Variants in LSAMP observed in about 807,000 individuals in gnomAD.
LSAMP encodes limbic system-associated membrane protein.
Under a neutral mutation model 38.6 loss-of-function variants are expected in LSAMP, and 7 were observed. The ratio of observed to expected loss-of-function variants is 0.18; its 90% confidence interval spans 0.10 to 0.34. The LOEUF (loss-of-function observed/expected upper bound fraction) is 0.34. Among genes scored for constraint, LSAMP ranks in the 10% least tolerant of loss-of-function variants. The pLI, the probability that LSAMP is intolerant of heterozygous loss-of-function variation, is 1.00. For synonymous variants in LSAMP, 154 were observed against 166.8 expected, an observed-to-expected ratio of 0.92 and a Z score of 0.59; for missense variants, 313 against 420.0, an observed-to-expected ratio of 0.75 and a Z score of 2.23.
At position 115,878,453 on chromosome 3, in the gene LSAMP, CTTTTTTTTTT is replaced by C. The variant is rs3087024; in HGVS notation, c.515-25846_515-25837del. ...CTTGATACTTTGAGAACATGCTATT[CTTTTTTTTTT>C]TTTTTTTTTTTTTTTTTTGACAGAC... is the stretch of plus-strand genomic sequence containing the variant. On this transcript the variant is annotated intron_variant, in intron 3 of 6. Coordinates refer to ENST00000490035, the MANE Select transcript of LSAMP (RefSeq NM_002338.5). 1.1e-4 allele frequency among the ~76,000 whole-genome samples: 6 copies of C among 55,538 alleles called. No individual in the cohort carries two copies. In the East Asian group the frequency reaches 1.9e-3, roughly 18 times the overall value. The allele number at this position is 55,538 out of a possible 152,430, so 36.4% of individuals were successfully genotyped here.
At chr3:116,399,378 A>G (rs574905031) in intron 1 of LSAMP, among the ~76,000 whole-genome samples, 6 of 152,306 alleles carry the variant, frequency 3.9e-5, no homozygotes, top group Admixed American at 1.3e-4. Flanking sequence ...AAGAAATAAT[A>G]TGGGCCTGTG....
At chr3:116,251,630 T>C (rs2046686414) in intron 1 of LSAMP, among the ~76,000 whole-genome samples, 1 of 152,158 alleles carries the variant, frequency 6.6e-6, no homozygotes, top group Admixed American at 6.5e-5. Context: ...AAATGTTACA[T>C]CAAGAATAGA....
chr3:116,158,340 A>G (rs1038675185), intron 1 of LSAMP, among the ~76,000 whole-genome samples: 9 of 152,114 alleles, frequency 5.9e-5, no homozygotes, highest in Non-Finnish European at 1.0e-4. Context: ...ACCTAGTACT[A>G]TAAGTCCTCT....
chr3:116,054,747 C>G lies in LSAMP; in HGVS notation c.388+31577G>C, dbSNP rs375861347. On this transcript the variant is annotated intron_variant, in intron 2 of 6. Transcript: ENST00000490035. ...TATTAAATATTTGGAAGACTAAAATCATTTTTCTATCCTTGACTGAAAAAT... is the reference window on the plus strand; with the variant it reads ...TATTAAATATTTGGAAGACTAAAATGATTTTTCTATCCTTGACTGAAAAAT... Among the ~76,000 whole-genome samples, 16 of 152,232 alleles carry G rather than the reference C, an allele frequency of 1.1e-4. No homozygotes were observed. The East Asian group carries it at 3.1e-3, about 29-fold the overall frequency.
intron 1 of LSAMP, among the ~76,000 whole-genome samples, chr3:116,338,957 C>A (rs146392327): frequency 3.9e-4 from 60 of 152,146 alleles, no homozygotes; most frequent in Middle Eastern, 3.4e-3. Flanking sequence ...GGTACACCTC[C>A]TGCTGTGATA....
At chr3:116,138,677 A>T (rs1193780763) in intron 1 of LSAMP, among the ~76,000 whole-genome samples, 3 of 152,074 alleles carry the variant, frequency 2.0e-5, no homozygotes, top group Non-Finnish European at 2.9e-5. Flanking sequence ...CAAAGTGAAG[A>T]TAAAACACTT....
chr3:116,394,094 C>T (rs1298438853), intron 1 of LSAMP, among the ~76,000 whole-genome samples: 1 of 152,098 alleles, frequency 6.6e-6, no homozygotes, highest in Non-Finnish European at 1.5e-5. Flanking sequence ...CTATATCTCT[C>T]TTTTTATTGT....
intron 3 of LSAMP, among the ~76,000 whole-genome samples, chr3:116,010,480 T>A (rs1290636406): frequency 6.6e-6 from 1 of 152,040 alleles, no homozygotes; most frequent in Admixed American, 6.5e-5. Flanking sequence ...AAATAGACAG[T>A]AAAAAAGTAA....
intron 1 of LSAMP, among the ~76,000 whole-genome samples, chr3:116,107,978 G>GT (rs1708507044): frequency 6.6e-6 from 1 of 152,102 alleles, no homozygotes; most frequent in Non-Finnish European, 1.5e-5. Flanking sequence ...TGTAAGGAGA[G>GT]TTTATAGGCT....
intron 1 of LSAMP, among the ~76,000 whole-genome samples, chr3:116,334,051 G>A (rs924889383): frequency 6.6e-6 from 1 of 151,824 alleles, no homozygotes; most frequent in Non-Finnish European, 1.5e-5. Flanking sequence ...AATCTGAAAT[G>A]AAAGTGGGGA....
chr3:116,414,710 G>A (rs952822464), intron 1 of LSAMP, among the ~76,000 whole-genome samples: 2 of 152,124 alleles, frequency 1.3e-5, no homozygotes, highest in African/African-American at 4.8e-5. Context: ...TTTGTCTCAT[G>A]GAATATCAGT....
At chr3:115,993,286 T>G (rs1006479128) in intron 3 of LSAMP, among the ~76,000 whole-genome samples, 1 of 152,014 alleles carries the variant, frequency 6.6e-6, no homozygotes, top group Non-Finnish European at 1.5e-5. Context: ...ATCCTACACA[T>G]CCTCATAACA....
intron 6 of LSAMP, chr3:115,816,773 T>A: frequency 2.3e-6 from 1 of 433,796 alleles, no homozygotes; most frequent in Non-Finnish European, 4.1e-6. Flanking sequence ...AAGAACATTT[T>A]AATAGGAAAG....
intron 1 of LSAMP, among the ~76,000 whole-genome samples, chr3:116,325,896 T>C: frequency 6.6e-6 from 1 of 152,176 alleles, no homozygotes; most frequent in Non-Finnish European, 1.5e-5. Flanking sequence ...GTTTAGGATC[T>C]GAAACCTTCA....
intron 1 of LSAMP, among the ~76,000 whole-genome samples, chr3:116,293,592 A>G (rs2047294883): frequency 6.6e-6 from 1 of 152,180 alleles, no homozygotes; most frequent in African/African-American, 2.4e-5. Flanking sequence ...ATTTATTATC[A>G]TATTGAGTTA....
At chr3:115,987,136 G>GA (rs199924906) in intron 3 of LSAMP, among the ~76,000 whole-genome samples, 2 of 151,992 alleles carry the variant, frequency 1.3e-5, no homozygotes, top group East Asian at 1.9e-4. Flanking sequence ...GACTGCGACA[G>GA]AAAAAAAATG....
intron 1 of LSAMP, among the ~76,000 whole-genome samples, chr3:116,410,725 G>A (rs1054898461): frequency 1.3e-5 from 2 of 152,040 alleles, no homozygotes; most frequent in Non-Finnish European, 2.9e-5. Flanking sequence ...AGCCACATCA[G>A]GTCTCTCCTC....
chr3:115,963,955 G>A (rs991783077), intron 3 of LSAMP, among the ~76,000 whole-genome samples: 1 of 152,040 alleles, frequency 6.6e-6, no homozygotes, highest in Non-Finnish European at 1.5e-5. Flanking sequence ...GTCTCCCTAT[G>A]TTGCCCAGGC....
At chr3:115,939,223 C>G (rs1052874237) in intron 3 of LSAMP, among the ~76,000 whole-genome samples, 4 of 151,896 alleles carry the variant, frequency 2.6e-5, no homozygotes, top group Non-Finnish European at 5.9e-5. Context: ...CACTGAAGCT[C>G]CAGTCTTAGT....
Sources: allele counts gnomAD v4.1 joint callset (sites outside exome capture counted in the v4.1 genomes callset), GRCh38; gene constraint gnomAD v4.1.1; transcripts MANE v1.5; gene names NCBI Gene and HGNC (gene_info 2026-07-23, HGNC 2026-07-21).